PARVB: variants seen among roughly 807,000 people sequenced by gnomAD.
PARVB encodes parvin beta.
A neutral mutation model predicts 47.0 loss-of-function variants in PARVB; 46 were observed. That is an observed-to-expected ratio of 0.98 (90% confidence interval 0.77 to 1.25). PARVB has a LOEUF of 1.25. Ranked by LOEUF, PARVB falls within the 50% of genes most tolerant of loss-of-function variation. PARVB has a pLI of 0.00. For missense variants in PARVB, 473 were observed against 471.6 expected, an observed-to-expected ratio of 1.00 and a Z score of -0.03; for synonymous variants, 196 against 196.3, an observed-to-expected ratio of 1.00 and a Z score of 0.01.
chr22:44,158,003 G>C lies in PARVB; in HGVS notation c.865G>C (p.Val289Leu), dbSNP rs766683924. ...GCAGTTTGCAGATGGCGTGTACCTG[G>C]TTCTGCTCATGGGCCTTCTGGAAGA... Reference protein sequence around the residue: ...ETQFADGVYLVLLMGLLEDYF... With the variant: ...ETQFADGVYLLLLMGLLEDYF... The change falls in exon 11 of 13, where the codon GTT (valine) becomes CTT (leucine). Residue 289 changes from valine to leucine, a missense_variant. Coordinates refer to ENST00000338758, the MANE Select transcript of PARVB (RefSeq NM_013327.5). 3.7e-6 allele frequency: 6 copies of C among 1,613,722 alleles called. No homozygotes were observed. Among genetic ancestry groups the C allele is most frequent in the Non-Finnish European group, 8.5e-7 (1 of 1,179,770 alleles).
At chr22:44,014,408 C>T (rs2050555662) in intron 2 of PARVB, among the ~76,000 whole-genome samples, 1 of 152,148 alleles carries the variant, frequency 6.6e-6, no homozygotes, top group Admixed American at 6.5e-5. Flanking sequence ...TTAATAGGGG[C>T]AGCTGCATGT....
chr22:44,035,051 A>G (rs1156982176), intron 1 of PARVB, among the ~76,000 whole-genome samples: 2 of 152,148 alleles, frequency 1.3e-5, no homozygotes, highest in Non-Finnish European at 2.9e-5. Context: ...TTAACTAGTG[A>G]TAGCCTGCTG....
chr22:44,081,456 AATG>A (rs758374819), intron 1 of PARVB: 3 of 253,574 alleles, frequency 1.2e-5, no homozygotes, highest in Non-Finnish European at 1.9e-5. Context: ...CTAACGACTT[AATG>A]ATTTAATCTT....
chr22:44,166,575 C>G (rs1406572680), intron 12 of PARVB, among the ~76,000 whole-genome samples: 1 of 152,246 alleles, frequency 6.6e-6, no homozygotes, highest in African/African-American at 2.4e-5. Flanking sequence ...GTGTGGAAAC[C>G]AGGCCAGAGG....
At chr22:44,052,793 A>G (rs1357180502) in intron 1 of PARVB, among the ~76,000 whole-genome samples, 1 of 152,106 alleles carries the variant, frequency 6.6e-6, no homozygotes, top group African/African-American at 2.4e-5. Context: ...AAATACAAAA[A>G]TTAGTTGGGT....
intron 8 of PARVB, chr22:44,141,754 G>T (rs1334876456): frequency 6.6e-6 from 1 of 152,136 alleles, no homozygotes; most frequent in African/African-American, 2.4e-5. Flanking sequence ...TTCTTTACTA[G>T]ACCTTAAGCT....
chr22:44,099,813 G>A (rs781475036), intron 2 of PARVB, among the ~76,000 whole-genome samples: 18 of 152,134 alleles, frequency 1.2e-4, no homozygotes, highest in Non-Finnish European at 1.5e-4. Context: ...AGCTGCTGGC[G>A]GAGTCTGGGA....
intron 1 of PARVB, among the ~76,000 whole-genome samples, chr22:44,043,680 T>C (rs1319079221): frequency 1.3e-5 from 2 of 151,870 alleles, no homozygotes; most frequent in Non-Finnish European, 2.9e-5. Flanking sequence ...CCCAGCCGAA[T>C]TGTACACTTT....
intron 2 of PARVB, among the ~76,000 whole-genome samples, chr22:44,011,382 G>C (rs1175566676): frequency 6.6e-6 from 1 of 152,100 alleles, no homozygotes; most frequent in Non-Finnish European, 1.5e-5. Context: ...GGAGGCTGAG[G>C]CAGGTGGATC....
intron 10 of PARVB, among the ~76,000 whole-genome samples, chr22:44,156,627 T>A (rs2053941265): frequency 6.6e-6 from 1 of 152,136 alleles, no homozygotes; most frequent in Non-Finnish European, 1.5e-5. Flanking sequence ...TTCTGGAGAT[T>A]GTTTGTACAA....
chr22:44,096,577 G>A (rs1242619733), intron 2 of PARVB, among the ~76,000 whole-genome samples: 1 of 152,172 alleles, frequency 6.6e-6, no homozygotes, highest in East Asian at 1.9e-4. Flanking sequence ...TGTGAGGTGG[G>A]TTGTATCATT....
In PARVB at chr22:44,005,547, G is replaced by A. The variant is rs544992626; in HGVS notation, c.211+5874G>A. Among the ~76,000 whole-genome samples the A allele has an allele frequency of 2.6e-5, 4 of 152,132 alleles. 1 individual carries two copies. In the South Asian group the frequency reaches 8.3e-4, roughly 32 times the overall value. On this transcript the variant is annotated intron_variant, in intron 2 of 13. Coordinates refer to the PARVB transcript ENST00000406477. Reference sequence around the variant, plus strand: ...CTAGGCTGGAGTGCAGTGGTGCTGAGGCAGGAGAATGGGTTCTGGAGGCAG... The same window carrying A: ...CTAGGCTGGAGTGCAGTGGTGCTGAAGCAGGAGAATGGGTTCTGGAGGCAG...
chr22:44,095,268 G>C (rs760119012), intron 2 of PARVB, among the ~76,000 whole-genome samples: 38 of 152,138 alleles, frequency 2.5e-4, no homozygotes, highest in South Asian at 4.1e-4. Flanking sequence ...CAGCACTTTG[G>C]AAGGCCAAAG....
At position 44,145,223 on chromosome 22, in the gene PARVB, C is replaced by T. The variant is rs12168367; in HGVS notation, c.713-2638C>T. 630 of 152,434 alleles carry T rather than the reference C, an allele frequency of 4.1e-3. 3 individuals are homozygous for T. Among genetic ancestry groups the T allele is most frequent in the Middle Eastern group, 0.014 (4 of 294 alleles). 9.4% of individuals were successfully genotyped at this position (152,434 alleles called of 1,614,324 possible). On this transcript the variant is annotated intron_variant, in intron 8 of 12. Coordinates refer to ENST00000338758, the MANE Select transcript of PARVB (RefSeq NM_013327.5). ...GAGGCAGGGGCTGTGAGAATGCTGC[C>T]TTTATGGAGGAAGAAAGGGGGTCGG...
At chr22:44,016,415 A>G (rs2050583903) in intron 2 of PARVB, among the ~76,000 whole-genome samples, 1 of 151,968 alleles carries the variant, frequency 6.6e-6, no homozygotes, top group South Asian at 2.1e-4. Flanking sequence ...TCTTTCACCT[A>G]TTAACTTCCA....
At chr22:44,126,470 G>C (rs13055414) in intron 4 of PARVB, among the ~76,000 whole-genome samples, 33,610 of 152,160 alleles carry the variant, frequency 0.22, 4,754 homozygotes, top group Non-Finnish European at 0.32. Context: ...TGTGATGCTA[G>C]ATGCTCACTT....
intron 2 of PARVB, among the ~76,000 whole-genome samples, chr22:44,016,512 G>A (rs2050585123): frequency 6.6e-6 from 1 of 152,092 alleles, no homozygotes; most frequent in South Asian, 2.1e-4. Flanking sequence ...AGACAAATGA[G>A]GCCACTTCAA....
At chr22:44,081,603 G>T (rs1013977582) in intron 1 of PARVB, 2 of 985,274 alleles carry the variant, frequency 2.0e-6, no homozygotes, top group African/African-American at 3.5e-5. Context: ...CTGCACGGCC[G>T]TTTCTGCTTT....
At chr22:44,038,286 G>A (rs1323263770) in intron 1 of PARVB, among the ~76,000 whole-genome samples, 5 of 152,192 alleles carry the variant, frequency 3.3e-5, no homozygotes, top group Non-Finnish European at 7.3e-5. Flanking sequence ...CAAGCAAGAG[G>A]CAGTCTAGTG....
Sources: gnomAD v4.1 joint callset for allele counts (sites outside exome capture counted in the v4.1 genomes callset) on GRCh38, gnomAD v4.1.1 for gene constraint, MANE v1.5 for transcripts, NCBI Gene and HGNC (gene_info 2026-07-23, HGNC 2026-07-21) for gene names.